The following DCTN6 variants were observed in gnomAD, a reference collection of about 807,000 sequenced individuals.
DCTN6 encodes the protein dynactin 6.
In DCTN6, 15 loss-of-function variants were observed where a neutral mutation model predicts 25.8. The ratio of observed to expected loss-of-function variants is 0.58; its 90% CI spans 0.39 to 0.89. DCTN6 has a LOEUF of 0.89. DCTN6 is among the 40% of genes least tolerant of loss of function. The pLI is 0.00. For synonymous variants in DCTN6, 64 were observed against 78.3 expected (o/e 0.82, Z 0.96); for missense variants, 198 against 237.6 (o/e 0.83, Z 1.09).
At chr8:30,178,718 G>A (rs1245579559) in intron 4 of DCTN6, among the ~76,000 whole-genome samples, 1 of 151,916 alleles carries the variant, frequency 6.6e-6, no homozygotes, top group Non-Finnish European at 1.5e-5. Flanking sequence ...GCATTGCAGT[G>A]GCACAATCAT....
intron 1 of DCTN6, among the ~76,000 whole-genome samples, chr8:30,162,233 G>A (rs575981938): frequency 6.6e-6 from 1 of 151,708 alleles, no homozygotes; most frequent in African/African-American, 2.4e-5. Context: ...GGGACTACAG[G>A]CCACCACCAT....
intron 1 of DCTN6, among the ~76,000 whole-genome samples, chr8:30,160,674 AG>A (rs1803583237): frequency 1.3e-5 from 2 of 152,268 alleles, no homozygotes; most frequent in African/African-American, 4.8e-5. Flanking sequence ...TTATTTACAT[AG>A]CATTTACATT....
chr8:30,167,653 G>A (rs1767682120), intron 2 of DCTN6, among the ~76,000 whole-genome samples: 1 of 152,096 alleles, frequency 6.6e-6, no homozygotes, highest in Non-Finnish European at 1.5e-5. Flanking sequence ...AGCTGGTAGT[G>A]CACAATTCTG....
At chr8:30,182,311 G>GT (rs1803919934) in intron 6 of DCTN6, among the ~76,000 whole-genome samples, 1 of 152,162 alleles carries the variant, frequency 6.6e-6, no homozygotes, top group Non-Finnish European at 1.5e-5. Flanking sequence ...ACCGCAGTGA[G>GT]TTTTACAATC....
chr8:30,178,802 G>A (rs1803877801), intron 4 of DCTN6, among the ~76,000 whole-genome samples: 2 of 151,906 alleles, frequency 1.3e-5, no homozygotes, highest in Admixed American at 6.6e-5. Flanking sequence ...GGAATTATAG[G>A]TGCACACCAC....
intron 1 of DCTN6, among the ~76,000 whole-genome samples, chr8:30,163,111 A>T (rs1803618329): frequency 6.6e-6 from 1 of 152,066 alleles, no homozygotes; most frequent in Non-Finnish European, 1.5e-5. Flanking sequence ...CAGCCTCACC[A>T]ACCTGAAAAA....
intron 3 of DCTN6, 40 bp from the exon 4 acceptor site, chr8:30,177,086 G>T: frequency 6.5e-7 from 1 of 1,529,412 alleles, no homozygotes; most frequent in Non-Finnish European, 9.0e-7. Flanking sequence ...TGCTTATTGT[G>T]TTATTGACTT....
chr8:30,161,112 C>T (rs1259444309), intron 1 of DCTN6, among the ~76,000 whole-genome samples: 1 of 152,034 alleles, frequency 6.6e-6, no homozygotes, highest in Admixed American at 6.6e-5. Flanking sequence ...GAGTGGTTCC[C>T]CCATGCTGTT....
rs144355949 is a variant in DCTN6, at chr8:30,169,069, C to G, written c.88+4894C>G. ...AGGACATCAGTATGTGAAGGCGGAA[C>G]TCGGCTCAGTGGAAATGTTTTGTGC... On this transcript the variant is annotated intron_variant, in intron 2 of 6. Coordinates refer to ENST00000221114, the MANE Select transcript of DCTN6 (RefSeq NM_006571.4). Among the ~76,000 whole-genome samples, 17 of 152,346 alleles carry G rather than the reference C, an allele frequency of 1.1e-4. No homozygotes were observed. In the East Asian group the frequency reaches 1.7e-3, roughly 16 times the overall value.
intron 2 of DCTN6, among the ~76,000 whole-genome samples, chr8:30,173,731 TA>T (rs371782984): frequency 0.033 from 3,162 of 96,046 alleles, 54 homozygotes; most frequent in South Asian, 0.098. Context: ...CCCTGTCTCT[TA>T]AAAAAAAAAA....
intron 4 of DCTN6, 64 bp from the exon 5 acceptor site, chr8:30,179,343 CA>C: frequency 1.5e-6 from 2 of 1,372,590 alleles, no homozygotes; most frequent in Non-Finnish European, 2.0e-6. Context: ...AATGTAAGTA[CA>C]TACTGTGTTA....
chr8:30,183,128 C>T lies in DCTN6; in HGVS notation c.528C>T (p.His176=), dbSNP rs779787423. ...FLMKILPNYH[H]LKKTMKGSST... Reference sequence around the variant, plus strand: ...TGAAAATCTTGCCAAATTACCACCACCTAAAGAAGACTATGAAAGGAAGCT... The same window carrying T: ...TGAAAATCTTGCCAAATTACCACCATCTAAAGAAGACTATGAAAGGAAGCT... The change falls in exon 7 of 7, where the codon CAC becomes CAT. Residue 176 remains histidine (H), a synonymous_variant. Transcript: ENST00000221114. The T allele has an allele frequency of 5.6e-6, 9 of 1,614,042 alleles. No individual in the cohort carries two copies. The South Asian group carries it at 6.6e-5, about 12-fold the overall frequency.
chr8:30,178,683 G>A (rs929623287), intron 4 of DCTN6, among the ~76,000 whole-genome samples: 2 of 151,992 alleles, frequency 1.3e-5, no homozygotes, highest in Non-Finnish European at 2.9e-5. Context: ...TTCTGAGACA[G>A]GCTCTTGCTC....
In DCTN6 at chr8:30,177,162, A is replaced by G; in HGVS notation, c.231A>G (p.Pro77=). Reference sequence around the variant, plus strand: ...ATATCACTCCTGACACTGAAGATCCAGAACCAAAACCTATGATCATTGGCA... The same window carrying G: ...ATATCACTCCTGACACTGAAGATCCGGAACCAAAACCTATGATCATTGGCA... ...PDNITPDTED[P]EPKPMIIGTN... Residue 77 remains proline (P), a synonymous_variant, in exon 4 of 7, where the codon CCA becomes CCG. Coordinates refer to ENST00000221114, the MANE Select transcript of DCTN6 (RefSeq NM_006571.4). 1 of 1,613,842 alleles carries G rather than the reference A, an allele frequency of 6.2e-7. No individual in the cohort carries two copies. The highest frequency in any genetic ancestry group is 8.5e-7 in the Non-Finnish European group (1 of 1,179,844).
chr8:30,169,678 T>G (rs370350515), intron 2 of DCTN6, among the ~76,000 whole-genome samples: 2 of 152,196 alleles, frequency 1.3e-5, no homozygotes, highest in South Asian at 2.1e-4. Flanking sequence ...TATGTTGAAT[T>G]CAGACCTGAT....
intron 2 of DCTN6, 138 bp downstream of exon 2, chr8:30,164,313 A>G (rs1803636839): frequency 5.7e-6 from 4 of 699,296 alleles, no homozygotes; most frequent in Admixed American, 2.4e-5. Flanking sequence ...ATTTTCTCCT[A>G]TGTGTTTAAA....
chr8:30,179,463 A>C lies in DCTN6; in HGVS notation c.331+8A>C, dbSNP rs1803885533. 6.2e-7 allele frequency: 1 copy of C among 1,610,128 alleles called. No homozygotes were observed. The highest frequency in any genetic ancestry group is 8.5e-7 in the Non-Finnish European group (1 of 1,177,956). ...ATGTCATTGAATCAAAAGGTAAGCTACATTCAGAGTTTCATTGTCAAAGCA... is the reference window on the plus strand; with the variant it reads ...ATGTCATTGAATCAAAAGGTAAGCTCCATTCAGAGTTTCATTGTCAAAGCA... On this transcript the variant is annotated splice_region_variant and intron_variant, in intron 5 of 6. Transcript: ENST00000221114.
chr8:30,162,102 C>T (rs1172061708), intron 1 of DCTN6, among the ~76,000 whole-genome samples: 1 of 147,834 alleles, frequency 6.8e-6, no homozygotes, highest in African/African-American at 2.5e-5. Context: ...CTTTTCTTTT[C>T]TTTTCGAGAT....
At chr8:30,162,107 C>T (rs548925498) in intron 1 of DCTN6, among the ~76,000 whole-genome samples, 11 of 146,748 alleles carry the variant, frequency 7.5e-5, no homozygotes, top group Non-Finnish European at 1.2e-4. Context: ...CTTTTCTTTT[C>T]GAGATGGAGT....
Sources: gnomAD v4.1 joint callset for allele counts (sites outside exome capture counted in the v4.1 genomes callset) on GRCh38, gnomAD v4.1.1 for gene constraint, MANE v1.5 for transcripts, NCBI Gene and HGNC (gene_info 2026-07-23, HGNC 2026-07-21) for gene names.